Variants in IDO2 observed in about 807,000 individuals in gnomAD.
IDO2 encodes indoleamine 2,3-dioxygenase-like 1 protein.
In IDO2, 46 loss-of-function variants were observed where a neutral mutation model predicts 45.1. The observed-to-expected ratio is 1.02, with a 90% CI of 0.80 to 1.30. The LOEUF is 1.30. IDO2 is among the 50% of genes most tolerant of loss of function. The pLI is 0.00. For synonymous variants in IDO2, 218 were observed against 184.9 expected (o/e 1.18, Z -1.45); for missense variants, 544 against 491.8 (o/e 1.11, Z -1.00).
chr8:39,935,081 T>A, exon 1 of IDO2: 1 of 918,510 alleles, frequency 1.1e-6, no homozygotes, highest in Non-Finnish European at 1.8e-6. Context: ...AGGATTGGAT[T>A]AGATTTGACA....
chr8:39,975,361 G>A (rs1585407275), intron 3 of IDO2, among the ~76,000 whole-genome samples: 1 of 151,842 alleles, frequency 6.6e-6, no homozygotes, highest in African/African-American at 2.4e-5. Context: ...TGAAAGCCAA[G>A]CTACAAACTG....
chr8:39,954,724 C>T (rs1210498221), intron 2 of IDO2, among the ~76,000 whole-genome samples: 2 of 139,856 alleles, frequency 1.4e-5, no homozygotes, highest in Admixed American at 7.9e-5. Context: ...GGTGCAATCT[C>T]GGCTCACTGC....
In IDO2 at chr8:39,935,219, G is replaced by T; in HGVS notation, c.-18+1G>T. The T allele has an allele frequency of 6.2e-7, 1 of 1,612,452 alleles. No homozygotes were observed. Among genetic ancestry groups the T allele is most frequent in the Non-Finnish European group, 8.5e-7 (1 of 1,178,578 alleles). The stretch of plus-strand genomic sequence containing the variant: ...AGAATGTTGCATTTTCATTATTATG[G>T]TAAGTACACTGGTAACTTCTTTTCT... On this transcript the variant is annotated splice_donor_variant, in intron 1 of 10. Transcript: ENST00000502986. LOFTEE classifies it low-confidence loss of function (5UTR_SPLICE).
chr8:39,950,304 G>A (rs1313547473), intron 2 of IDO2, among the ~76,000 whole-genome samples: 2 of 152,190 alleles, frequency 1.3e-5, no homozygotes, highest in Non-Finnish European at 2.9e-5. Context: ...GCCAAGGCAG[G>A]TGGATCACTT....
At chr8:39,989,670 A>C in intron 7 of IDO2, 51 bp from the exon 8 acceptor site, 2 of 1,287,442 alleles carry the variant, frequency 1.6e-6, no homozygotes, top group Non-Finnish European at 2.2e-6. Context: ...CTCTGCCTGC[A>C]TGGACTTTAA....
At chr8:39,998,212 C>G (rs898079946) in intron 8 of IDO2, 1 of 153,328 alleles carries the variant, frequency 6.5e-6, no homozygotes, top group Admixed American at 6.5e-5. Context: ...GATGAACACA[C>G]GTACACGTTG....
chr8:40,014,512 C>T (rs1802357468), intron 10 of IDO2, among the ~76,000 whole-genome samples: 2 of 152,148 alleles, frequency 1.3e-5, no homozygotes, highest in Admixed American at 1.3e-4. Flanking sequence ...TAACTTTCTC[C>T]TTTTCTTGTG....
intron 8 of IDO2, among the ~76,000 whole-genome samples, chr8:40,003,014 ATGGCC>A (rs1256995778): frequency 6.6e-6 from 1 of 152,204 alleles, no homozygotes; most frequent in Non-Finnish European, 1.5e-5. Context: ...CTTTTGTGAC[ATGGCC>A]TGAAATATAT....
chr8:39,938,221 T>A (rs1012522727), intron 1 of IDO2, among the ~76,000 whole-genome samples: 1 of 152,160 alleles, frequency 6.6e-6, no homozygotes, highest in Non-Finnish European at 1.5e-5. Flanking sequence ...GGTGGGACAA[T>A]CACTTAAGCC....
chr8:39,971,798 G>A (rs1245061943), intron 3 of IDO2, among the ~76,000 whole-genome samples: 13 of 144,856 alleles, frequency 9.0e-5, no homozygotes, highest in East Asian at 4.0e-4. Flanking sequence ...GCAATCTTAC[G>A]ATTGAACTTT....
At chr8:39,939,155 A>T (rs567888388) in intron 1 of IDO2, among the ~76,000 whole-genome samples, 28 of 151,260 alleles carry the variant, frequency 1.9e-4, no homozygotes, top group Non-Finnish European at 3.2e-4. Context: ...AGGCAGGAGA[A>T]TCGCTTGAAC....
At chr8:39,987,530 G>A in intron 6 of IDO2, 1 of 183,850 alleles carries the variant, frequency 5.4e-6, no homozygotes. Flanking sequence ...CTTGGCTGTT[G>A]CCTGGGTCTC....
Position 39,998,993 on chromosome 8 carries a change from G to A in IDO2, c.668-6334G>A, listed in dbSNP as rs79530576. ...CCTCACTTCTTTAGAAATTCCTTCA[G>A]TACATCCTTTAAGACTTCCTCTAGT... On this transcript the variant is annotated intron_variant, in intron 8 of 10. Coordinates refer to ENST00000502986, the Ensembl canonical transcript of IDO2. 4.4e-3 allele frequency among the ~76,000 whole-genome samples: 673 copies of A among 151,986 alleles called. 2 individuals carry two copies. The highest frequency in any genetic ancestry group is 0.015 in the African/African-American group (619 of 41,446).
intron 9 of IDO2, among the ~76,000 whole-genome samples, chr8:40,010,814 C>G (rs755460335): frequency 4.6e-5 from 7 of 152,178 alleles, no homozygotes; most frequent in Non-Finnish European, 8.8e-5. Flanking sequence ...ACGGTCATAT[C>G]AAGTAGGCAG....
At chr8:39,989,624 C>T in intron 7 of IDO2, 97 bp from the exon 8 acceptor site, 1 of 829,198 alleles carries the variant, frequency 1.2e-6, no homozygotes, top group Non-Finnish European at 1.9e-6. Flanking sequence ...GACAAACTGT[C>T]CGGTCCTCCC....
intron 5 of IDO2, chr8:39,984,948 C>T: frequency 2.7e-6 from 1 of 366,454 alleles, no homozygotes. Flanking sequence ...TATTTATTTT[C>T]AGAGACGGAG....
At chr8:39,998,636 TTC>T (rs1260465806) in intron 8 of IDO2, 2 of 94,262 alleles carry the variant, frequency 2.1e-5, no homozygotes, top group Non-Finnish European at 4.2e-5. Context: ...TTTTTTCTTC[TTC>T]TTTTTTTTTT....
At chr8:39,949,346 A>T (rs948789472) in intron 2 of IDO2, 82 bp downstream of exon 2, 16 of 1,007,774 alleles carry the variant, frequency 1.6e-5, no homozygotes, top group East Asian at 5.3e-5. Flanking sequence ...AATGTATGTG[A>T]TTATTAAGAG....
chr8:40,001,882 G>C (rs1426002142), intron 8 of IDO2, among the ~76,000 whole-genome samples: 1 of 151,596 alleles, frequency 6.6e-6, no homozygotes, highest in East Asian at 2.0e-4. Flanking sequence ...TGCCTCCTGG[G>C]TTCAGCAATT....
Sources: gnomAD v4.1 joint callset for allele counts (sites outside exome capture counted in the v4.1 genomes callset) on GRCh38, gnomAD v4.1.1 for gene constraint, MANE v1.5 for transcripts, NCBI Gene and HGNC (gene_info 2026-07-23, HGNC 2026-07-21) for gene names.